The following SLC4A5 variants were observed in gnomAD, a reference collection of about 807,000 sequenced individuals.
SLC4A5 encodes the protein solute carrier family 4 member 5.
A neutral mutation model predicts 120.4 loss-of-function variants in SLC4A5; 96 were observed. That is an observed-to-expected ratio of 0.80 (90% CI 0.68 to 0.94). The LOEUF (loss-of-function observed/expected upper bound fraction) is 0.94. Among genes scored for constraint, SLC4A5 ranks in the 40% least tolerant of loss-of-function variants. The pLI is 0.00. For synonymous variants in SLC4A5, 550 were observed against 571.1 expected, an observed-to-expected ratio of 0.96 and a Z score of 0.53; for missense variants, 1,259 against 1,459.5, an observed-to-expected ratio of 0.86 and a Z score of 2.24.
At chr2:74,318,986 G>A (rs1296742414) in intron 5 of SLC4A5, among the ~76,000 whole-genome samples, 7 of 151,946 alleles carry the variant, frequency 4.6e-5, no homozygotes, top group Non-Finnish European at 2.9e-5. Flanking sequence ...ATAAGGAAAT[G>A]TAATATATAC....
intron 5 of SLC4A5, among the ~76,000 whole-genome samples, chr2:74,317,180 T>C (rs55806524): frequency 0.04 from 6,153 of 152,320 alleles, 151 homozygotes; most frequent in Non-Finnish European, 0.06. Flanking sequence ...GTTCCCATCC[T>C]GTAACATGGC....
chr2:74,242,784 C>T (rs1176663338), intron 19 of SLC4A5, among the ~76,000 whole-genome samples: 1 of 152,164 alleles, frequency 6.6e-6, no homozygotes, highest in Non-Finnish European at 1.5e-5. Flanking sequence ...TCCCGAGTAG[C>T]TGGGACTACA....
chr2:74,330,902 T>C, intron 4 of SLC4A5, among the ~76,000 whole-genome samples: 1 of 63,890 alleles, frequency 1.6e-5, no homozygotes, highest in Admixed American at 1.7e-4. Flanking sequence ...GGTGGTGAGG[T>C]CTAGATGGAG....
chr2:74,232,175 G>A (rs1670110366), intron 24 of SLC4A5, among the ~76,000 whole-genome samples: 2 of 152,194 alleles, frequency 1.3e-5, no homozygotes, highest in South Asian at 4.1e-4. Context: ...ACAGCACGAA[G>A]CCTTGTGGGG....
intron 25 of SLC4A5, among the ~76,000 whole-genome samples, chr2:74,230,569 C>T (rs1670042882): frequency 6.6e-6 from 1 of 152,062 alleles, no homozygotes; most frequent in South Asian, 2.1e-4. Context: ...ACTTCATGAG[C>T]CCCAAACCCT....
chr2:74,271,551 G>A (rs1470712422), intron 8 of SLC4A5, among the ~76,000 whole-genome samples: 1 of 152,056 alleles, frequency 6.6e-6, no homozygotes, highest in Non-Finnish European at 1.5e-5. Flanking sequence ...ATAATTAATT[G>A]TAGCCAATCA....
At chr2:74,275,420 T>C (rs1052870513) in intron 8 of SLC4A5, among the ~76,000 whole-genome samples, 1 of 152,226 alleles carries the variant, frequency 6.6e-6, no homozygotes, top group African/African-American at 2.4e-5. Flanking sequence ...CTTGTCTGTG[T>C]ATCCAGGAAG....
chr2:74,222,856 T>G lies in SLC4A5; in HGVS notation c.3331+12A>C. 13 of 1,598,818 alleles carry G rather than the reference T, an allele frequency of 8.1e-6. No individual in the cohort carries two copies. Among genetic ancestry groups the G allele is most frequent in the Non-Finnish European group, 1.0e-5 (12 of 1,166,086 alleles). On this transcript the variant is annotated intron_variant, in intron 29 of 30. Transcript: ENST00000394019. ...GTAGTAAGAAGGGAGAGACATCATG[T>G]GTTTTACTTACTGGCAATGCAGTGG...
chr2:74,299,529 T>C (rs543093901), intron 7 of SLC4A5, among the ~76,000 whole-genome samples: 1 of 152,310 alleles, frequency 6.6e-6, no homozygotes, highest in Non-Finnish European at 1.5e-5. Context: ...TTTTTCTTTA[T>C]AAATTACCCA....
chr2:74,270,660 G>A (rs920350198), intron 8 of SLC4A5, among the ~76,000 whole-genome samples: 6 of 152,152 alleles, frequency 3.9e-5, no homozygotes, highest in Non-Finnish European at 7.3e-5. Flanking sequence ...ATGACAGAGC[G>A]AGACTCCGTC....
intron 20 of SLC4A5, among the ~76,000 whole-genome samples, chr2:74,239,998 T>A (rs1433094833): frequency 6.7e-6 from 1 of 149,738 alleles, no homozygotes; most frequent in East Asian, 1.9e-4. Flanking sequence ...TACACAACAG[T>A]GAATTTTTAT....
exon 23 of SLC4A5, chr2:74,233,522 C>T (rs1319323916): frequency 1.2e-6 from 2 of 1,614,064 alleles, no homozygotes; most frequent in Middle Eastern, 1.7e-4. Context: ...ACGGGTTCTT[C>T]CCAAAGGGGG....
At chr2:74,248,605 G>A in intron 17 of SLC4A5, 119 bp from the exon 18 acceptor site, 2 of 1,209,508 alleles carry the variant, frequency 1.7e-6, no homozygotes, top group Non-Finnish European at 2.3e-6. Flanking sequence ...TTCGTTCTGG[G>A]CCCTTTCCTC....
exon 23 of SLC4A5, chr2:74,233,441 G>C: frequency 6.2e-7 from 1 of 1,614,276 alleles, no homozygotes; most frequent in South Asian, 1.1e-5. Flanking sequence ...TGACGGCAGT[G>C]ATCTGCTGGT....
intron 8 of SLC4A5, among the ~76,000 whole-genome samples, chr2:74,282,109 C>G (rs1671832542): frequency 6.6e-6 from 1 of 152,210 alleles, no homozygotes; most frequent in Non-Finnish European, 1.5e-5. Flanking sequence ...AGCTCTGACC[C>G]AAGCACCTCT....
At chr2:74,248,137 G>A (rs1453497445) in intron 18 of SLC4A5, among the ~76,000 whole-genome samples, 1 of 152,196 alleles carries the variant, frequency 6.6e-6, no homozygotes, top group African/African-American at 2.4e-5. Context: ...TGTCGTGGCT[G>A]GTCCCTATGG....
intron 4 of SLC4A5, among the ~76,000 whole-genome samples, chr2:74,332,377 C>T (rs551578826): frequency 6.6e-6 from 1 of 152,290 alleles, no homozygotes; most frequent in African/African-American, 2.4e-5. Context: ...TAATGGATAA[C>T]TTCCCAAGCT....
At position 74,255,739 on chromosome 2, in the gene SLC4A5, G is replaced by A. The variant is rs1464207744; in HGVS notation, c.1025+36C>T. 9 of 1,611,144 alleles carry A rather than the reference G, an allele frequency of 5.6e-6. No individual in the cohort carries two copies. Among genetic ancestry groups the A allele is most frequent in the Middle Eastern group, 3.3e-4 (2 of 6,010 alleles). On this transcript the variant is annotated intron_variant, in intron 13 of 30. Transcript: ENST00000394019. This position sits in a 1 kb window ranked among gnomAD's most constrained non-coding sequence, Gnocchi z 4.0. ...TGACTGCACTGCTGACTGGCTACCT[G>A]AGAGTGGCGTGGGGACAGGTTTCAA...
intron 28 of SLC4A5, among the ~76,000 whole-genome samples, chr2:74,224,241 G>T (rs1055411010): frequency 6.6e-6 from 1 of 152,170 alleles, no homozygotes; most frequent in Non-Finnish European, 1.5e-5. Context: ...TTTTGGGGAT[G>T]AAATGGGAAG....
Sources: allele counts gnomAD v4.1 joint callset (sites outside exome capture counted in the v4.1 genomes callset), GRCh38; gene constraint gnomAD v4.1.1; non-coding constraint Gnocchi (gnomAD v3.1); transcripts MANE v1.5; gene names NCBI Gene and HGNC (gene_info 2026-07-23, HGNC 2026-07-21).